GRIA4: variants seen among roughly 807,000 people sequenced by gnomAD.
The protein encoded by GRIA4 is glutamate receptor 4.
Under a neutral mutation model 104.0 loss-of-function variants are expected in GRIA4, and 34 were observed. The observed-to-expected ratio is 0.33, with a 90% CI of 0.25 to 0.44. The LOEUF (loss-of-function observed/expected upper bound fraction) is 0.44, where lower values mean the gene tolerates loss of function less well. Ranked by LOEUF, GRIA4 falls within the 20% of genes least tolerant of loss-of-function variation. The pLI is 1.00. For missense variants in GRIA4, 750 were observed against 1,096.5 expected (o/e 0.68, Z 4.46); for synonymous variants, 386 against 381.9 (o/e 1.01, Z -0.13).
At chr11:105,726,547 G>T (rs1055656135) in intron 3 of GRIA4, among the ~76,000 whole-genome samples, 1 of 152,160 alleles carries the variant, frequency 6.6e-6, no homozygotes. Flanking sequence ...CTCTGCTAAG[G>T]GACAGACTTC....
chr11:105,946,489 G>A (rs1219369531), intron 14 of GRIA4, among the ~76,000 whole-genome samples: 1 of 152,134 alleles, frequency 6.6e-6, no homozygotes, highest in Non-Finnish European at 1.5e-5. Flanking sequence ...AGGAGGCTGA[G>A]GTGGGAGGAT....
chr11:105,844,325 T>A (rs912368082), intron 4 of GRIA4, among the ~76,000 whole-genome samples: 1 of 152,246 alleles, frequency 6.6e-6, no homozygotes, highest in Non-Finnish European at 1.5e-5. Context: ...TAGTCCATTA[T>A]TAAATATGCC....
chr11:105,701,629 A>G (rs1466837882), intron 3 of GRIA4, among the ~76,000 whole-genome samples: 2 of 152,154 alleles, frequency 1.3e-5, no homozygotes, highest in Non-Finnish European at 2.9e-5. Context: ...GGTGTAAGGC[A>G]AACACAATTC....
At position 105,918,708 on chromosome 11, in the gene GRIA4, A is replaced by G; in HGVS notation, c.1270-4A>G. 1.5e-6 allele frequency: 2 copies of G among 1,368,094 alleles called. No individual in the cohort carries two copies. Among genetic ancestry groups the G allele is most frequent in the Non-Finnish European group, 2.1e-6 (2 of 957,222 alleles). 84.7% of individuals were successfully genotyped at this position (1,368,094 alleles called of 1,614,324 possible). On this transcript the variant is annotated splice_region_variant and splice_polypyrimidine_tract_variant and intron_variant, in intron 10 of 16. Transcript: ENST00000282499. ...CCTTTACAGTTCTACTTCTCTCATT[A>G]TAGGAATCCCCATATGTTATGTACA...
At chr11:105,779,323 A>G (rs1346910446) in intron 4 of GRIA4, among the ~76,000 whole-genome samples, 1 of 152,110 alleles carries the variant, frequency 6.6e-6, no homozygotes, top group African/African-American at 2.4e-5. Flanking sequence ...TTCCATGCTC[A>G]TGGGTGGGAA....
chr11:105,863,935 C>G (rs1248515851), intron 5 of GRIA4, among the ~76,000 whole-genome samples: 1 of 152,142 alleles, frequency 6.6e-6, no homozygotes, highest in Admixed American at 6.5e-5. Context: ...TGAGCTCCTG[C>G]TAAAGAAACT....
chr11:105,939,275 A>C (rs1425012563), intron 14 of GRIA4, among the ~76,000 whole-genome samples: 2 of 152,166 alleles, frequency 1.3e-5, no homozygotes, highest in Non-Finnish European at 2.9e-5. Flanking sequence ...TTCTATATTC[A>C]AGGGTTAGCC....
At chr11:105,966,408 C>T (rs511106) in intron 14 of GRIA4, among the ~76,000 whole-genome samples, 98,345 of 151,668 alleles carry the variant, frequency 0.65, 31,870 homozygotes, top group Middle Eastern at 0.72. Flanking sequence ...GGGCGGTAAG[C>T]CTGTCTTGTT....
intron 5 of GRIA4, among the ~76,000 whole-genome samples, chr11:105,869,319 G>T (rs1472189342): frequency 6.6e-6 from 1 of 152,000 alleles, no homozygotes; most frequent in African/African-American, 2.4e-5. Flanking sequence ...ACACTTACTG[G>T]AACAATTTCT....
intron 5 of GRIA4, among the ~76,000 whole-genome samples, chr11:105,877,696 A>G (rs2136070727): frequency 6.6e-6 from 1 of 152,236 alleles, no homozygotes; most frequent in African/African-American, 2.4e-5. Flanking sequence ...TCCATGATCA[A>G]TTCAGCTATT....
chr11:105,896,399 C>A (rs1332157879), intron 6 of GRIA4, among the ~76,000 whole-genome samples: 1 of 152,036 alleles, frequency 6.6e-6, no homozygotes, highest in African/African-American at 2.4e-5. Context: ...TTGATTGTTT[C>A]TTTTGCTGTG....
intron 3 of GRIA4, among the ~76,000 whole-genome samples, chr11:105,668,675 G>GTTT (rs368844903): frequency 0.14 from 16,761 of 120,880 alleles, 1,551 homozygotes; most frequent in East Asian, 0.22. Flanking sequence ...ATTATCTTTT[G>GTTT]TCTTTTTTTT....
At position 105,758,816 on chromosome 11, in the gene GRIA4, C is replaced by A. The variant is rs532228164; in HGVS notation, c.487+5596C>A. 2.5e-4 allele frequency among the ~76,000 whole-genome samples: 38 copies of A among 152,196 alleles called. 1 individual carries two copies. In the South Asian group the frequency reaches 7.1e-3, roughly 28 times the overall value. On this transcript the variant is annotated intron_variant, in intron 4 of 16. Transcript: ENST00000282499. ...TGCAATGGAAGAGAGTTCTCAGATACAACGTATAAATTCCTTAGAGTTGGA... is the reference window on the plus strand; with the variant it reads ...TGCAATGGAAGAGAGTTCTCAGATAAAACGTATAAATTCCTTAGAGTTGGA...
intron 4 of GRIA4, among the ~76,000 whole-genome samples, chr11:105,786,091 G>T (rs892033998): frequency 7.0e-6 from 1 of 142,320 alleles, no homozygotes; most frequent in Non-Finnish European, 1.5e-5. Context: ...GTGGCAGTGA[G>T]CCGAGATCGA....
chr11:105,931,994 C>A (rs566738371), intron 13 of GRIA4, among the ~76,000 whole-genome samples: 2 of 151,404 alleles, frequency 1.3e-5, no homozygotes, highest in Admixed American at 1.3e-4. Context: ...TAAATGTACA[C>A]ACTACTCAGC....
At chr11:105,687,598 G>T (rs181166884) in intron 3 of GRIA4, among the ~76,000 whole-genome samples, 1 of 152,312 alleles carries the variant, frequency 6.6e-6, no homozygotes, top group Admixed American at 6.5e-5. Flanking sequence ...GAAGAACTAA[G>T]GTTTCCTCCA....
chr11:105,854,186 A>C (rs1432144795), intron 4 of GRIA4, among the ~76,000 whole-genome samples: 1 of 152,132 alleles, frequency 6.6e-6, no homozygotes, highest in Non-Finnish European at 1.5e-5. Context: ...AATCTAGAGT[A>C]TATTAGGTGG....
At chr11:105,650,796 T>C (rs1200493869) in intron 3 of GRIA4, among the ~76,000 whole-genome samples, 1 of 152,172 alleles carries the variant, frequency 6.6e-6, no homozygotes, top group Non-Finnish European at 1.5e-5. Flanking sequence ...GACTTTCAAA[T>C]GACAAGCTGG....
intron 3 of GRIA4, among the ~76,000 whole-genome samples, chr11:105,662,197 G>T (rs1043407881): frequency 1.3e-5 from 2 of 151,800 alleles, no homozygotes; most frequent in African/African-American, 4.8e-5. Flanking sequence ...TTTGGCAATT[G>T]AATATGTTAT....
Sources: gnomAD v4.1 joint callset for allele counts (sites outside exome capture counted in the v4.1 genomes callset) on GRCh38, gnomAD v4.1.1 for gene constraint, MANE v1.5 for transcripts, NCBI Gene and HGNC (gene_info 2026-07-23, HGNC 2026-07-21) for gene names.